The following ZNF385A variants were observed in gnomAD, a reference collection of about 807,000 sequenced individuals.
The protein encoded by ZNF385A is hematopoietic zinc finger protein.
Under a neutral mutation model 32.1 loss-of-function variants are expected in ZNF385A, and 14 were observed. That is an observed-to-expected ratio of 0.44 (90% confidence interval 0.29 to 0.68). ZNF385A has a LOEUF of 0.68. Among genes scored for constraint, ZNF385A ranks in the 30% least tolerant of loss-of-function variants. The pLI, the probability that ZNF385A is intolerant of heterozygous loss-of-function variation, is 0.14. For synonymous variants in ZNF385A, 197 were observed against 202.7 expected, an observed-to-expected ratio of 0.97 and a Z score of 0.24; for missense variants, 406 against 478.4, an observed-to-expected ratio of 0.85 and a Z score of 1.41.
upstream of ZNF385A, among the ~76,000 whole-genome samples, chr12:54,386,462 A>G (rs570465417): frequency 1.1e-4 from 17 of 152,166 alleles, no homozygotes; most frequent in South Asian, 3.3e-3. Context: ...AGAGAGAGGG[A>G]CAGATAGATG....
intron 3 of ZNF385A, 68 bp downstream of exon 3, chr12:54,373,905 T>G: frequency 7.1e-7 from 1 of 1,406,366 alleles, no homozygotes; most frequent in Non-Finnish European, 9.4e-7. Context: ...AGAGGACAGT[T>G]CTGGAAAAGG....
chr12:54,386,566 G>T (rs1316018937), upstream of ZNF385A, among the ~76,000 whole-genome samples: 1 of 152,110 alleles, frequency 6.6e-6, no homozygotes, highest in Non-Finnish European at 1.5e-5. Flanking sequence ...GTTACCCAAG[G>T]CCAGGGCAGC....
upstream of ZNF385A, among the ~76,000 whole-genome samples, chr12:54,389,249 G>A (rs770377715): frequency 7.9e-5 from 12 of 152,194 alleles, no homozygotes; most frequent in Non-Finnish European, 5.9e-5. Flanking sequence ...TGCTAGGCAG[G>A]GAGGGTTTAG....
intron 1 of ZNF385A, among the ~76,000 whole-genome samples, chr12:54,381,871 G>T (rs187559408): frequency 6.6e-6 from 1 of 152,170 alleles, no homozygotes; most frequent in Admixed American, 6.5e-5. Context: ...GGTCTTTCTT[G>T]ATACTTGGGC....
chr12:54,370,248 G>T lies in ZNF385A; in HGVS notation c.*8C>A. 2.1e-6 allele frequency: 3 copies of T among 1,449,198 alleles called. No homozygotes were observed. The highest frequency in any genetic ancestry group is 2.7e-6 in the Non-Finnish European group (3 of 1,097,778). The allele number at this position is 1,449,198 out of a possible 1,614,324, so 89.8% of individuals were successfully genotyped here. ...GGGGAGTTGAATGGGAGGGGTTCAG[G>T]GTTGAGGTCAGTACGGGGAGAAGAG... On this transcript the variant is annotated 3_prime_UTR_variant, in exon 7 of 7. Transcript: ENST00000394313. The surrounding 1 kb of genome is among the most constrained non-coding windows in gnomAD (Gnocchi z 5.5).
At chr12:54,387,965 G>A (rs929390517), upstream of ZNF385A, among the ~76,000 whole-genome samples, 4 of 152,134 alleles carry the variant, frequency 2.6e-5, no homozygotes, top group African/African-American at 9.7e-5. Context: ...AGTAGGAAGT[G>A]TGGGGCTTTT....
intron 3 of ZNF385A, 30 bp downstream of exon 3, chr12:54,373,943 G>A (rs1389422995): frequency 1.4e-6 from 2 of 1,449,288 alleles, no homozygotes; most frequent in Non-Finnish European, 1.8e-6. Flanking sequence ...ACAGAGATCA[G>A]TTGAAGAATA....
intron 1 of ZNF385A, among the ~76,000 whole-genome samples, chr12:54,379,373 A>G (rs1955019848): frequency 6.6e-6 from 1 of 151,856 alleles, no homozygotes; most frequent in Non-Finnish European, 1.5e-5. Flanking sequence ...CCTAGGAAAG[A>G]GCTTGTTCTG....
Position 54,370,820 on chromosome 12 carries a change from C to A in ZNF385A, c.775-99G>T. 6.3e-7 allele frequency: 1 copy of A among 1,599,466 alleles called. No homozygotes were observed. Among genetic ancestry groups the A allele is most frequent in the Admixed American group, 1.7e-5 (1 of 59,310 alleles). On this transcript the variant is annotated intron_variant, in intron 5 of 6. Transcript: ENST00000394313. The surrounding 1 kb of genome is among the most constrained non-coding windows in gnomAD (Gnocchi z 5.5). ...AAGCACCGGCCCCCTCCCATCTGGC[C>A]CCCTGGGGAAAACTCTGAAGAAGGG...
intron 1 of ZNF385A, chr12:54,379,354 C>T (rs1461680973): frequency 1.2e-5 from 3 of 252,768 alleles, no homozygotes; most frequent in African/African-American, 6.9e-5. Flanking sequence ...TGTCCATTAT[C>T]CAGACACTCC....
At chr12:54,387,217 C>T (rs543257357), upstream of ZNF385A, among the ~76,000 whole-genome samples, 10 of 152,200 alleles carry the variant, frequency 6.6e-5, no homozygotes, top group Admixed American at 3.9e-4. Flanking sequence ...CAGGTAGCAG[C>T]CACTCAGTTA....
intron 1 of ZNF385A, among the ~76,000 whole-genome samples, chr12:54,383,853 C>CCAGCACACCAG (rs1592266116): frequency 6.6e-6 from 1 of 152,344 alleles, no homozygotes; most frequent in East Asian, 1.9e-4. Flanking sequence ...AAGATCGTGC[C>CCAGCACACCAG]ACTGCACACC....
upstream of ZNF385A, among the ~76,000 whole-genome samples, chr12:54,388,139 C>G (rs2120359916): frequency 6.6e-6 from 1 of 151,952 alleles, no homozygotes; most frequent in Middle Eastern, 3.4e-3. Flanking sequence ...GCAGGCCACT[C>G]TTGAGGGAAG....
Position 54,370,333 on chromosome 12 carries a change from T to A in ZNF385A, c.1024A>T (p.Ile342Phe). Residue 342 changes from isoleucine to phenylalanine, a missense_variant, in exon 7 of 7, where the codon ATC becomes TTC. Transcript: ENST00000394313. This position sits in a 1 kb window ranked among gnomAD's most constrained non-coding sequence, Gnocchi z 5.5. ...GCCGGGTGAAGCAGAGGGTGAGTGA[T>A]CGGCGGTCCCTGGAGAAGAGGTGCG... ...PAAPLLQGPP[I>F]THPLLHPAPG... 6.7e-7 allele frequency: 1 copy of A among 1,498,626 alleles called. No homozygotes were observed. Among genetic ancestry groups the A allele is most frequent in the Non-Finnish European group, 8.9e-7 (1 of 1,123,234 alleles). The allele number at this position is 1,498,626 out of a possible 1,614,324, so 92.8% of individuals were successfully genotyped here.
At chr12:54,390,800 T>C (rs923542737) in intron 1 of ZNF385A, among the ~76,000 whole-genome samples, 2 of 150,608 alleles carry the variant, frequency 1.3e-5, no homozygotes, top group Admixed American at 1.3e-4. Flanking sequence ...TTCCCCCTTA[T>C]CCTGGGCCCA....
chr12:54,376,038 C>A, intron 1 of ZNF385A, 84 bp from the exon 2 acceptor site: 1 of 1,115,556 alleles, frequency 9.0e-7, no homozygotes, highest in Non-Finnish European at 1.4e-6. Flanking sequence ...TGTGTTGAAC[C>A]AAGGTCCCCA....
rs1410913179 is a variant in ZNF385A, at chr12:54,370,608, C to G, written c.870+18G>C. 1.9e-6 allele frequency: 3 copies of G among 1,586,340 alleles called. No individual in the cohort carries two copies. Among genetic ancestry groups the G allele is most frequent in the Non-Finnish European group, 2.6e-6 (3 of 1,166,246 alleles). Reference sequence around the variant, plus strand: ...CCCGCGCCCTCCCACTGCTGAATTCCCAGCATCCAGGCCTCACCGCCAGCT... The same window carrying G: ...CCCGCGCCCTCCCACTGCTGAATTCGCAGCATCCAGGCCTCACCGCCAGCT... On this transcript the variant is annotated intron_variant, in intron 6 of 6. Transcript: ENST00000394313. The surrounding 1 kb of genome is among the most constrained non-coding windows in gnomAD (Gnocchi z 5.5).
At chr12:54,375,498 A>G (rs1954800696) in intron 2 of ZNF385A, among the ~76,000 whole-genome samples, 2 of 152,282 alleles carry the variant, frequency 1.3e-5, no homozygotes, top group South Asian at 4.1e-4. Flanking sequence ...CCCATACCCA[A>G]GAACCAGTGG....
intron 3 of ZNF385A, 64 bp from the exon 4 acceptor site, chr12:54,371,779 G>A: frequency 2.1e-5 from 33 of 1,590,934 alleles, no homozygotes; most frequent in Non-Finnish European, 2.6e-5. Flanking sequence ...TCTTCATGTG[G>A]AAGAGACCCC....
Sources: gnomAD v4.1 joint callset for allele counts (sites outside exome capture counted in the v4.1 genomes callset) on GRCh38, gnomAD v4.1.1 for gene constraint, Gnocchi (gnomAD v3.1) non-coding constraint, MANE v1.5 for transcripts, NCBI Gene and HGNC (gene_info 2026-07-23, HGNC 2026-07-21) for gene names.